Variants in TTBK2 observed in about 807,000 individuals in gnomAD.
TTBK2 encodes tau tubulin kinase 2, also known as tau-tubulin kinase 2.
Under a neutral mutation model 110.8 loss-of-function variants are expected in TTBK2, and 28 were observed. The ratio of observed to expected loss-of-function variants is 0.25; its 90% confidence interval spans 0.19 to 0.35. The LOEUF is 0.35. Among genes scored for constraint, TTBK2 ranks in the 10% least tolerant of loss-of-function variants. TTBK2 has a pLI of 1.00. For missense variants in TTBK2, 1,369 were observed against 1,500.3 expected (o/e 0.91, Z 1.45); for synonymous variants, 532 against 527.3 (o/e 1.01, Z -0.12).
intron 10 of TTBK2, among the ~76,000 whole-genome samples, chr15:42,785,343 A>T (rs956453176): frequency 6.6e-6 from 1 of 151,742 alleles, no homozygotes; most frequent in African/African-American, 2.4e-5. Flanking sequence ...CTGGTCTCGA[A>T]CTCCTGGCCC....
At chr15:42,862,004 T>C (rs1894176656) in intron 3 of TTBK2, among the ~76,000 whole-genome samples, 1 of 152,152 alleles carries the variant, frequency 6.6e-6, no homozygotes, top group Non-Finnish European at 1.5e-5. Flanking sequence ...GATACATTCC[T>C]GGAAACACAC....
At chr15:42,910,000 T>C (rs2030655314) in intron 1 of TTBK2, among the ~76,000 whole-genome samples, 1 of 151,732 alleles carries the variant, frequency 6.6e-6, no homozygotes, top group Non-Finnish European at 1.5e-5. Flanking sequence ...AACAAAACAA[T>C]ACAAAACAAA....
chr15:42,903,854 C>G (rs1455869300), intron 1 of TTBK2, among the ~76,000 whole-genome samples: 1 of 152,228 alleles, frequency 6.6e-6, no homozygotes, highest in African/African-American at 2.4e-5. Flanking sequence ...CATTCTCTCT[C>G]TCTGGCTCTT....
chr15:42,829,612 G>C (rs910918580), intron 5 of TTBK2, among the ~76,000 whole-genome samples: 1 of 152,052 alleles, frequency 6.6e-6, no homozygotes, highest in Non-Finnish European at 1.5e-5. Flanking sequence ...ATAGCTCACT[G>C]TACTCTCCCT....
chr15:42,762,331 A>G (rs1430154734), intron 13 of TTBK2, among the ~76,000 whole-genome samples: 1 of 152,258 alleles, frequency 6.6e-6, no homozygotes, highest in Non-Finnish European at 1.5e-5. Flanking sequence ...TTGAAGAGAT[A>G]TCTGCACACT....
At chr15:42,801,093 G>T (rs746675939) in intron 9 of TTBK2, 6 of 809,770 alleles carry the variant, frequency 7.4e-6, no homozygotes, top group Non-Finnish European at 1.1e-5. Context: ...GCCAAAGCTG[G>T]AGCCCAGGCC....
At chr15:42,900,736 A>C (rs1315515798) in intron 1 of TTBK2, among the ~76,000 whole-genome samples, 1 of 152,166 alleles carries the variant, frequency 6.6e-6, no homozygotes, top group Non-Finnish European at 1.5e-5. Flanking sequence ...CCAAAAAAAA[A>C]CAGTAGTTAT....
At chr15:42,830,245 T>C (rs1173711957) in intron 4 of TTBK2, among the ~76,000 whole-genome samples, 167 bp from the exon 5 acceptor site, 1 of 151,854 alleles carries the variant, frequency 6.6e-6, no homozygotes, top group African/African-American at 2.4e-5. Flanking sequence ...TGGAGTGCAA[T>C]GGTGCGATGT....
chr15:42,837,291 A>G lies in TTBK2; in HGVS notation c.291+3069T>C, dbSNP rs1476112887. On this transcript the variant is annotated intron_variant, in intron 4 of 14. Transcript: ENST00000267890. ...GAGAATCACTTGAACCTGGGAGGCG[A>G]AGGTTGCAGTGAGCTGAGATCACGC... 4.0e-5 allele frequency among the ~76,000 whole-genome samples: 6 copies of G among 151,048 alleles called. No individual in the cohort carries two copies. In the East Asian group the frequency reaches 1.2e-3, roughly 30 times the overall value.
chr15:42,766,745 A>T (rs997809230), intron 13 of TTBK2, among the ~76,000 whole-genome samples: 1 of 152,166 alleles, frequency 6.6e-6, no homozygotes, highest in Admixed American at 6.5e-5. Flanking sequence ...GTTAACAAGG[A>T]TATCCAGGAC....
At chr15:42,890,811 G>A (rs948638638) in intron 1 of TTBK2, among the ~76,000 whole-genome samples, 7 of 152,244 alleles carry the variant, frequency 4.6e-5, no homozygotes, top group East Asian at 1.9e-4. Flanking sequence ...AGAGTTACTA[G>A]TGATTGAGTT....
At position 42,811,738 on chromosome 15, in the gene TTBK2, A is replaced by C. The variant is rs746580614; in HGVS notation, c.646T>G (p.Leu216Val). Reference sequence around the variant, plus strand: ...AGCTGACCAACCACAAACTCCACCAACATGTAGAATAAGGACCAAAGGTCA... The same window carrying C: ...AGCTGACCAACCACAAACTCCACCACCATGTAGAATAAGGACCAAAGGTCA... ...HDDLWSLFYM[L>V]VEFVVGQLPW... The change falls in exon 8 of 15, where the codon TTG becomes GTG. Residue 216 changes from leucine (L) to valine (V), a missense_variant. Physicochemically the swap from Leu to Val is conservative, Grantham distance 32. Around this residue, in one of 4 missense-constraint regions of TTBK2, gnomAD observed 138 missense variants for 179.0 expected, o/e 0.77. Coordinates refer to ENST00000267890, the MANE Select transcript of TTBK2 (RefSeq NM_173500.4). 1 of 1,613,720 alleles carries C rather than the reference A, an allele frequency of 6.2e-7. No individual in the cohort carries two copies. Among genetic ancestry groups the C allele is most frequent in the East Asian group, 2.2e-5 (1 of 44,790 alleles).
At chr15:42,793,825 G>A (rs1437201186) in intron 10 of TTBK2, among the ~76,000 whole-genome samples, 1 of 150,930 alleles carries the variant, frequency 6.6e-6, no homozygotes, top group African/African-American at 2.4e-5. Context: ...CAACAAGAAT[G>A]AAACTCCATG....
chr15:42,876,003 G>A lies in TTBK2; in HGVS notation c.69+2546C>T, dbSNP rs541844080. 6.6e-5 allele frequency among the ~76,000 whole-genome samples: 10 copies of A among 152,040 alleles called. No homozygotes were observed. The East Asian group carries it at 1.7e-3, about 26-fold the overall frequency. On this transcript the variant is annotated intron_variant, in intron 2 of 14. Coordinates refer to ENST00000267890, the MANE Select transcript of TTBK2 (RefSeq NM_173500.4). ...ATGAGCCACCAGGTTGGGGGTTGGG[G>A]GTTGGGGGTGAAGAGCTAAGGACCT...
intron 12 of TTBK2, among the ~76,000 whole-genome samples, chr15:42,776,142 T>C (rs1284940664): frequency 1.3e-5 from 2 of 152,174 alleles, no homozygotes; most frequent in East Asian, 3.8e-4. Context: ...AACACACATA[T>C]GTGAAGGATT....
At chr15:42,903,983 T>C (rs1321915847) in intron 1 of TTBK2, among the ~76,000 whole-genome samples, 2 of 152,236 alleles carry the variant, frequency 1.3e-5, no homozygotes, top group Non-Finnish European at 2.9e-5. Context: ...AATAGACCAA[T>C]AGCTAGCAAG....
intron 3 of TTBK2, among the ~76,000 whole-genome samples, chr15:42,865,596 G>A (rs1359510243): frequency 6.6e-6 from 1 of 151,756 alleles, no homozygotes; most frequent in Non-Finnish European, 1.5e-5. Flanking sequence ...GCTGAGGCAG[G>A]AGGATCACCT....
chr15:42,904,874 A>ATTT (rs769350686), intron 1 of TTBK2, among the ~76,000 whole-genome samples: 1 of 145,462 alleles, frequency 6.9e-6, no homozygotes. Context: ...ACTGTATATA[A>ATTT]TTTTTTTTTT....
upstream of TTBK2, chr15:42,920,778 CA>C (rs1179871002): frequency 6.5e-6 from 1 of 153,466 alleles, no homozygotes; most frequent in African/African-American, 2.4e-5. Context: ...GCGACTACTG[CA>C]GAGCCCGCTG....
Sources: allele counts gnomAD v4.1 joint callset (sites outside exome capture counted in the v4.1 genomes callset), GRCh38; gene constraint gnomAD v4.1.1; regional missense constraint gnomAD v4.1.1; transcripts MANE v1.5; gene names NCBI Gene and HGNC (gene_info 2026-07-23, HGNC 2026-07-21).